The following ADARB2 variants were observed in gnomAD, a reference collection of about 807,000 sequenced individuals.
ADARB2 encodes the protein inactive double-stranded RNA-specific editase B2.
ADARB2 carries 25 observed loss-of-function variants against 62.2 expected under a neutral mutation model. The observed-to-expected ratio is 0.40, with a 90% CI of 0.29 to 0.56. The LOEUF is 0.56. Ranked by LOEUF, ADARB2 falls within the 20% of genes least tolerant of loss-of-function variation. The pLI is 0.43. For synonymous variants in ADARB2, 572 were observed against 500.8 expected (o/e 1.14, Z -1.90); for missense variants, 1,071 against 1,077.4 (o/e 0.99, Z 0.08).
At chr10:1,359,523 G>A (rs1396114588) in intron 3 of ADARB2, among the ~76,000 whole-genome samples, 1 of 152,068 alleles carries the variant, frequency 6.6e-6, no homozygotes, top group East Asian at 1.9e-4. Flanking sequence ...TTCAAAATTC[G>A]GATGACACAC....
rs1258092716 is a variant in ADARB2 at position 1,704,045 on chromosome 10, T to C, written c.100+33006A>G. 6.6e-6 allele frequency among the ~76,000 whole-genome samples: 1 copy of C among 151,998 alleles called. No individual in the cohort carries two copies. Among genetic ancestry groups the C allele is most frequent in the Non-Finnish European group, 1.5e-5 (1 of 68,032 alleles). On this transcript the variant is annotated intron_variant, in intron 1 of 9. Coordinates refer to ENST00000381312, the MANE Select transcript of ADARB2 (RefSeq NM_018702.4). The surrounding 1 kb of genome is among the most constrained non-coding windows in gnomAD (Gnocchi z 5.6). ...TGACAAGTTACCTCAAGAGTTAGTA[T>C]CTTAAAAGAACAAACACTATATCTA...
intron 1 of ADARB2, among the ~76,000 whole-genome samples, chr10:1,428,040 G>A (rs1436443178): frequency 2.7e-5 from 4 of 149,640 alleles, no homozygotes; most frequent in Non-Finnish European, 5.9e-5. Flanking sequence ...TCTTGATCTC[G>A]GCTCACTGCA....
chr10:1,651,769 C>G (rs184742452), intron 1 of ADARB2, among the ~76,000 whole-genome samples: 1 of 146,450 alleles, frequency 6.8e-6, no homozygotes. Context: ...GGGCTGCCTG[C>G]TTATGGGTGC....
chr10:1,305,279 C>T (rs1045949598), intron 3 of ADARB2, among the ~76,000 whole-genome samples: 37 of 149,574 alleles, frequency 2.5e-4, no homozygotes, highest in East Asian at 6.0e-4. Context: ...AACACCTCTA[C>T]GCAAATAAAC....
At chr10:1,534,337 C>T (rs533974987) in intron 1 of ADARB2, among the ~76,000 whole-genome samples, 37 of 152,212 alleles carry the variant, frequency 2.4e-4, no homozygotes, top group Non-Finnish European at 2.2e-4. Context: ...GGGGCTTCAC[C>T]GTGTTGGCCA....
chr10:1,585,280 T>G (rs1030863845), intron 1 of ADARB2, among the ~76,000 whole-genome samples: 7 of 151,962 alleles, frequency 4.6e-5, no homozygotes, highest in Non-Finnish European at 1.0e-4. Context: ...GAAAGGAAAA[T>G]AAATCTCAGG....
In ADARB2 at chr10:1,601,091, C is replaced by T. The variant is rs577107288; in HGVS notation, c.100+135960G>A. On this transcript the variant is annotated intron_variant, in intron 1 of 9. Transcript: ENST00000381312. ...TGCAGTACTCAGACACAAGTTCAGA[C>T]AGGTTTGCATTGGCCACAGACCGGC... Among the ~76,000 whole-genome samples, 4 of 152,336 alleles carry T rather than the reference C, an allele frequency of 2.6e-5. No homozygotes were observed. The South Asian group carries it at 8.3e-4, about 32-fold the overall frequency.
At chr10:1,478,108 C>T (rs561501058) in intron 1 of ADARB2, among the ~76,000 whole-genome samples, 2 of 152,362 alleles carry the variant, frequency 1.3e-5, no homozygotes, top group South Asian at 4.1e-4. Context: ...GCCAGTGCTG[C>T]CCTAACAGGC....
chr10:1,408,273 T>A (rs1352892947), intron 1 of ADARB2, among the ~76,000 whole-genome samples: 1 of 152,194 alleles, frequency 6.6e-6, no homozygotes, highest in Admixed American at 6.5e-5. Flanking sequence ...CACATTCCAA[T>A]GAAAATATAT....
chr10:1,293,123 G>A (rs1279934346), intron 3 of ADARB2: 1 of 106,266 alleles, frequency 9.4e-6, no homozygotes, highest in Non-Finnish European at 1.9e-5. Flanking sequence ...GAAAGAGAAA[G>A]GGACATAGGG....
At chr10:1,355,716 T>C (rs1832188024) in intron 3 of ADARB2, among the ~76,000 whole-genome samples, 1 of 152,242 alleles carries the variant, frequency 6.6e-6, no homozygotes, top group Non-Finnish European at 1.5e-5. Context: ...CAGTTACATA[T>C]TACAATTTCA....
intron 8 of ADARB2, among the ~76,000 whole-genome samples, chr10:1,191,885 C>G (rs571837738): frequency 6.6e-6 from 1 of 152,204 alleles, no homozygotes; most frequent in Non-Finnish European, 1.5e-5. Flanking sequence ...CTGTGACATA[C>G]TGGCAGTGTG....
chr10:1,327,452 C>CCAGCGCCTCCTCACTGCA lies in ADARB2; in HGVS notation c.1077+35558_1077+35575dup, dbSNP rs1554754467. On this transcript the variant is annotated intron_variant, in intron 3 of 9. Coordinates refer to ENST00000381312, the MANE Select transcript of ADARB2 (RefSeq NM_018702.4). ...CCACTGCCCAGCGCCTCCCCACGGCCCAGCGCCTCCTCACTGCACAGCGCC... is the reference window on the plus strand; with the variant it reads ...CCACTGCCCAGCGCCTCCCCACGGCCCAGCGCCTCCTCACTGCACAGCGCCTCCTCACTGCACAGCGCC... Among the ~76,000 whole-genome samples, 48 of 9,246 alleles carry CCAGCGCCTCCTCACTGCA rather than the reference C, an allele frequency of 5.2e-3. 7 individuals are homozygous for CCAGCGCCTCCTCACTGCA. The highest frequency in any genetic ancestry group is 0.018 in the African/African-American group (41 of 2,254). The allele number at this position is 9,246 out of a possible 152,430, so 6.1% of individuals were successfully genotyped here.
chr10:1,676,751 C>G (rs1446593311), intron 1 of ADARB2, among the ~76,000 whole-genome samples: 1 of 151,068 alleles, frequency 6.6e-6, no homozygotes, highest in African/African-American at 2.4e-5. Context: ...TTCCAAAGAC[C>G]CTACTTCCAC....
At chr10:1,652,706 CCTT>C (rs1437843725) in intron 1 of ADARB2, among the ~76,000 whole-genome samples, 13 of 152,290 alleles carry the variant, frequency 8.5e-5, no homozygotes, top group Non-Finnish European at 1.8e-4. Context: ...CTGAGGCAGG[CCTT>C]CTTTGCACAG....
intron 7 of ADARB2, among the ~76,000 whole-genome samples, chr10:1,203,672 G>T (rs1054979076): frequency 2.0e-5 from 3 of 151,658 alleles, no homozygotes; most frequent in South Asian, 2.1e-4. Context: ...TGCCGCCCAC[G>T]TGATTCTCCT....
At position 1,544,574 on chromosome 10, in the gene ADARB2, G is replaced by A. The variant is rs187324229; in HGVS notation, c.101-165414C>T. Reference sequence around the variant, plus strand: ...CTGTTGGGGCCGGGCACAGCAGGTGGTGGCAGGAGGATAATGCCGGGGCCT... The same window carrying A: ...CTGTTGGGGCCGGGCACAGCAGGTGATGGCAGGAGGATAATGCCGGGGCCT... On this transcript the variant is annotated intron_variant, in intron 1 of 9. Transcript: ENST00000381312. 4.7e-3 allele frequency among the ~76,000 whole-genome samples: 712 copies of A among 152,290 alleles called. 9 individuals are homozygous for A. The highest frequency in any genetic ancestry group is 0.016 in the African/African-American group (675 of 41,544).
intron 3 of ADARB2, among the ~76,000 whole-genome samples, chr10:1,313,228 G>A (rs968295142): frequency 6.6e-6 from 1 of 152,146 alleles, no homozygotes; most frequent in Non-Finnish European, 1.5e-5. Flanking sequence ...GAAGGGTGAA[G>A]GGGGATGGGC....
chr10:1,198,624 G>A (rs1428948572), intron 8 of ADARB2, among the ~76,000 whole-genome samples: 1 of 152,268 alleles, frequency 6.6e-6, no homozygotes, highest in Non-Finnish European at 1.5e-5. Flanking sequence ...GCCGTGGTGT[G>A]GCAGGTGCCA....
Sources: allele counts gnomAD v4.1 joint callset (sites outside exome capture counted in the v4.1 genomes callset), GRCh38; gene constraint gnomAD v4.1.1; non-coding constraint Gnocchi (gnomAD v3.1); transcripts MANE v1.5; gene names NCBI Gene and HGNC (gene_info 2026-07-23, HGNC 2026-07-21).